The following UNC5C variants were observed in gnomAD, a reference collection of about 807,000 sequenced individuals.
UNC5C encodes unc-5 netrin receptor C, also known as netrin receptor UNC5C.
UNC5C carries 47 observed loss-of-function variants against 99.8 expected under a neutral mutation model. The observed-to-expected ratio is 0.47, with a 90% CI of 0.37 to 0.60. The LOEUF (loss-of-function observed/expected upper bound fraction) is 0.60. Ranked by LOEUF, UNC5C falls within the 20% of genes least tolerant of loss-of-function variation. The pLI, the probability that UNC5C is intolerant of heterozygous loss-of-function variation, is 0.00. For synonymous variants in UNC5C, 487 were observed against 452.2 expected (o/e 1.08, Z -0.98); for missense variants, 1,062 against 1,165.9 (o/e 0.91, Z 1.30).
chr4:95,370,196 G>T (rs1744702536), intron 1 of UNC5C, among the ~76,000 whole-genome samples: 3 of 152,050 alleles, frequency 2.0e-5, no homozygotes, highest in Non-Finnish European at 4.4e-5. Flanking sequence ...GGCCATAAAA[G>T]AAGGTAATAT....
At chr4:95,540,229 T>G (rs75539832) in intron 1 of UNC5C, among the ~76,000 whole-genome samples, 1 of 152,196 alleles carries the variant, frequency 6.6e-6, no homozygotes, top group African/African-American at 2.4e-5. Context: ...CTATATTAAT[T>G]GAAATAAGTG....
At chr4:95,530,378 G>C (rs1722610353) in intron 1 of UNC5C, among the ~76,000 whole-genome samples, 1 of 152,112 alleles carries the variant, frequency 6.6e-6, no homozygotes, top group African/African-American at 2.4e-5. Context: ...CTCTCCATTA[G>C]GAGGTGTTCA....
chr4:95,170,430 A>G, intron 14 of UNC5C, 98 bp from the exon 15 acceptor site: 1 of 1,360,610 alleles, frequency 7.3e-7, no homozygotes, highest in Non-Finnish European at 1.0e-6. Flanking sequence ...GAGTGATAAG[A>G]AAAGAATGAA....
chr4:95,463,300 C>T (rs1187965625), intron 1 of UNC5C, among the ~76,000 whole-genome samples: 1 of 152,080 alleles, frequency 6.6e-6, no homozygotes, highest in South Asian at 2.1e-4. Flanking sequence ...AAGGCTCTGC[C>T]GCTAAGAGGA....
At position 95,524,789 on chromosome 4, in the gene UNC5C, T is replaced by C. The variant is rs1417587287; in HGVS notation, c.124+23945A>G. 7.2e-5 allele frequency among the ~76,000 whole-genome samples: 11 copies of C among 152,158 alleles called. 1 individual carries two copies. ...AAATCTGCATGGGGGCAGCTGAAGA[T>C]GCAGTGCTGTGTGGTAGAAAGCAGC... On this transcript the variant is annotated intron_variant, in intron 1 of 15. Coordinates refer to ENST00000453304, the MANE Select transcript of UNC5C (RefSeq NM_003728.4).
intron 1 of UNC5C, among the ~76,000 whole-genome samples, chr4:95,395,653 T>C (rs1745489733): frequency 6.6e-6 from 1 of 152,220 alleles, no homozygotes; most frequent in Non-Finnish European, 1.5e-5. Flanking sequence ...GTCCTGACTT[T>C]TGTTATTAAA....
chr4:95,224,004 C>T (rs895689102), intron 7 of UNC5C, among the ~76,000 whole-genome samples: 2 of 152,134 alleles, frequency 1.3e-5, no homozygotes, highest in African/African-American at 2.4e-5. Context: ...GCCTGGCAGC[C>T]GGGCATGGTG....
At chr4:95,424,568 C>T (rs1045139318) in intron 1 of UNC5C, among the ~76,000 whole-genome samples, 21 of 114,666 alleles carry the variant, frequency 1.8e-4, no homozygotes, top group African/African-American at 7.0e-4. Flanking sequence ...GTGGCCCTGG[C>T]TGGAGTGCAG....
chr4:95,409,696 A>G (rs1388018561), intron 1 of UNC5C, among the ~76,000 whole-genome samples: 1 of 152,172 alleles, frequency 6.6e-6, no homozygotes, highest in Non-Finnish European at 1.5e-5. Context: ...ACAGGCCCTC[A>G]TTGACCAGGC....
Position 95,412,385 on chromosome 4 carries a change from C to A in UNC5C, c.125-76754G>T, listed in dbSNP as rs566598712. Reference sequence around the variant, plus strand: ...GTGCCAGGGGAGGTTTCCAAGGACCCTGCTTTTCTTTTCTCACACTTGATG... The same window carrying A: ...GTGCCAGGGGAGGTTTCCAAGGACCATGCTTTTCTTTTCTCACACTTGATG... On this transcript the variant is annotated intron_variant, in intron 1 of 15. Coordinates refer to ENST00000453304, the MANE Select transcript of UNC5C (RefSeq NM_003728.4). 7.9e-5 allele frequency among the ~76,000 whole-genome samples: 12 copies of A among 152,240 alleles called. 1 individual carries two copies. The East Asian group carries it at 2.3e-3, about 29-fold the overall frequency.
At chr4:95,544,659 A>C (rs2149497389) in intron 1 of UNC5C, among the ~76,000 whole-genome samples, 1 of 152,212 alleles carries the variant, frequency 6.6e-6, no homozygotes, top group East Asian at 1.9e-4. Context: ...ATAATTGCTT[A>C]AGAACTTTAC....
At chr4:95,172,008 C>G (rs1736137482) in intron 14 of UNC5C, among the ~76,000 whole-genome samples, 1 of 149,460 alleles carries the variant, frequency 6.7e-6, no homozygotes, top group Non-Finnish European at 1.5e-5. Context: ...AGCATTTTTT[C>G]ATGTGTTTTT....
chr4:95,197,600 A>C (rs759527470), intron 12 of UNC5C, among the ~76,000 whole-genome samples: 4 of 152,106 alleles, frequency 2.6e-5, no homozygotes, highest in Admixed American at 6.6e-5. Context: ...ACTGCTAGGC[A>C]AGATGCGGGC....
chr4:95,429,651 A>C (rs1746580755), intron 1 of UNC5C, among the ~76,000 whole-genome samples: 1 of 152,166 alleles, frequency 6.6e-6, no homozygotes, highest in Admixed American at 6.6e-5. Context: ...AAGAAGCCTC[A>C]TTCACAACAG....
intron 12 of UNC5C, among the ~76,000 whole-genome samples, chr4:95,195,713 G>A (rs532724922): frequency 6.6e-6 from 1 of 152,126 alleles, no homozygotes; most frequent in South Asian, 2.1e-4. Flanking sequence ...CCAAGAACGT[G>A]AGCATCACAC....
chr4:95,314,628 T>C (rs925193237), intron 2 of UNC5C, among the ~76,000 whole-genome samples: 1 of 152,186 alleles, frequency 6.6e-6, no homozygotes, highest in Non-Finnish European at 1.5e-5. Flanking sequence ...AAAAAAGATA[T>C]AAAATTCATG....
chr4:95,422,136 A>C (rs543264684), intron 1 of UNC5C, among the ~76,000 whole-genome samples: 1 of 152,336 alleles, frequency 6.6e-6, no homozygotes, highest in South Asian at 2.1e-4. Context: ...GAGTGACACC[A>C]AGCCCATAAT....
intron 1 of UNC5C, among the ~76,000 whole-genome samples, chr4:95,359,090 A>C (rs1419021186): frequency 6.6e-6 from 1 of 152,194 alleles, no homozygotes; most frequent in Non-Finnish European, 1.5e-5. Flanking sequence ...GTATAGTTGA[A>C]GTCATGCCCA....
intron 12 of UNC5C, among the ~76,000 whole-genome samples, chr4:95,202,253 C>A (rs1295922783): frequency 6.6e-6 from 1 of 152,092 alleles, no homozygotes; most frequent in Non-Finnish European, 1.5e-5. Flanking sequence ...AATAATCACA[C>A]CAGGAATTAA....
Sources: allele counts gnomAD v4.1 joint callset (sites outside exome capture counted in the v4.1 genomes callset), GRCh38; gene constraint gnomAD v4.1.1; transcripts MANE v1.5; gene names NCBI Gene and HGNC (gene_info 2026-07-23, HGNC 2026-07-21).